PHIP: variants seen among roughly 807,000 people sequenced by gnomAD.
The protein encoded by PHIP is PH-interacting protein.
Under a neutral mutation model 236.8 loss-of-function variants are expected in PHIP, and 54 were observed. The ratio of observed to expected loss-of-function variants is 0.23; its 90% CI spans 0.18 to 0.29. PHIP has a LOEUF of 0.29. PHIP is among the 10% of genes least tolerant of loss of function. PHIP has a pLI of 1.00. For missense variants in PHIP, 1,370 were observed against 2,190.8 expected (o/e 0.63, Z 7.48); for synonymous variants, 756 against 718.9 (o/e 1.05, Z -0.83).
chr6:79,053,813 AG>A (rs1249482404), intron 6 of PHIP, among the ~76,000 whole-genome samples: 7 of 152,230 alleles, frequency 4.6e-5, no homozygotes, highest in African/African-American at 1.7e-4. Context: ...GAAAATGGCT[AG>A]TGATTCCTAA....
At chr6:79,049,447 A>T (rs1772678606) in intron 6 of PHIP, among the ~76,000 whole-genome samples, 1 of 152,218 alleles carries the variant, frequency 6.6e-6, no homozygotes, top group Non-Finnish European at 1.5e-5. Context: ...ATGCAAAAGT[A>T]ATTATAATTT....
At chr6:78,945,538 A>G in intron 38 of PHIP, 41 bp from the exon 39 acceptor site, 1 of 1,233,202 alleles carries the variant, frequency 8.1e-7, no homozygotes, top group Non-Finnish European at 1.2e-6. Flanking sequence ...AGAGTTATTG[A>G]ACCTAAAGAT....
chr6:78,946,272 A>T lies in PHIP; in HGVS notation c.4371-12T>A. On this transcript the variant is annotated splice_polypyrimidine_tract_variant and intron_variant, in intron 37 of 39. Coordinates refer to ENST00000275034, the MANE Select transcript of PHIP (RefSeq NM_017934.7). ...TTTTCCTTTCAGGGCTGTAAATAAA[A>T]TAGTATTGTCAGTCACTCTTATAGC... The T allele has an allele frequency of 6.2e-7, 1 of 1,608,510 alleles. No individual in the cohort carries two copies. Among genetic ancestry groups the T allele is most frequent in the Middle Eastern group, 1.7e-4 (1 of 6,012 alleles).
chr6:78,992,003 C>G (rs1769280463), intron 19 of PHIP, among the ~76,000 whole-genome samples: 1 of 150,184 alleles, frequency 6.7e-6, no homozygotes, highest in Non-Finnish European at 1.5e-5. Flanking sequence ...TCGCTGTCGC[C>G]CAGGCTGGAG....
intron 4 of PHIP, among the ~76,000 whole-genome samples, chr6:79,074,025 G>C (rs887187919): frequency 6.6e-6 from 1 of 151,956 alleles, no homozygotes; most frequent in East Asian, 1.9e-4. Context: ...GAGATAACTG[G>C]GACAAAGAGA....
At chr6:79,002,992 A>G (rs775164326) in intron 16 of PHIP, among the ~76,000 whole-genome samples, 5 of 152,110 alleles carry the variant, frequency 3.3e-5, no homozygotes, top group Non-Finnish European at 5.9e-5. Flanking sequence ...GTTAATTTGC[A>G]ATTTTTTAAA....
chr6:79,074,201 A>G (rs1774031871), intron 4 of PHIP, among the ~76,000 whole-genome samples: 1 of 152,132 alleles, frequency 6.6e-6, no homozygotes, highest in Non-Finnish European at 1.5e-5. Flanking sequence ...AAGTATCACT[A>G]TTTTACAAGG....
At chr6:79,011,879 G>A (rs992708066) in intron 15 of PHIP, among the ~76,000 whole-genome samples, 2 of 151,462 alleles carry the variant, frequency 1.3e-5, no homozygotes, top group Non-Finnish European at 3.0e-5. Context: ...AAAAGTATAA[G>A]TCATGGCTTG....
chr6:79,023,747 C>T (rs1410570627), intron 9 of PHIP, among the ~76,000 whole-genome samples: 1 of 152,032 alleles, frequency 6.6e-6, no homozygotes, highest in South Asian at 2.1e-4. Flanking sequence ...TATGGACAAG[C>T]TTACTTCTCA....
At position 79,046,092 on chromosome 6, in the gene PHIP, G is replaced by A. The variant is rs138248186; in HGVS notation, c.440-3089C>T. Among the ~76,000 whole-genome samples, 9 of 152,200 alleles carry A rather than the reference G, an allele frequency of 5.9e-5. No homozygotes were observed. The East Asian group carries it at 1.3e-3, about 23-fold the overall frequency. Reference sequence around the variant, plus strand: ...TGATACATCAGCCTAAGACGGCCCTGCAGAAACTTATCTCCCATTATCTCT... The same window carrying A: ...TGATACATCAGCCTAAGACGGCCCTACAGAAACTTATCTCCCATTATCTCT... On this transcript the variant is annotated intron_variant, in intron 6 of 39. Coordinates refer to ENST00000275034, the MANE Select transcript of PHIP (RefSeq NM_017934.7).
chr6:78,950,175 T>C (rs1343674424), intron 35 of PHIP, among the ~76,000 whole-genome samples: 1 of 152,258 alleles, frequency 6.6e-6, no homozygotes, highest in East Asian at 1.9e-4. Flanking sequence ...ATTAATATGA[T>C]GGATTACACT....
intron 6 of PHIP, among the ~76,000 whole-genome samples, chr6:79,051,275 A>C (rs1042128631): frequency 2.6e-5 from 4 of 152,172 alleles, no homozygotes; most frequent in Non-Finnish European, 5.9e-5. Flanking sequence ...GGACAAATAA[A>C]TCACCGTAAT....
rs201589638 is a variant in PHIP, at chr6:78,963,145, C to T, written c.3487G>A (p.Glu1163Lys). 1.1e-5 allele frequency: 18 copies of T among 1,609,460 alleles called. No homozygotes were observed. In the East Asian group the frequency reaches 3.6e-4, roughly 32 times the overall value. ...CCTGCCACAATTCTTTCACATTCTT[C>T]ATCCCTGGGATTGGTACCCCATTCT... is the stretch of plus-strand genomic sequence containing the variant. ...DGEWGTNPRD[E>K]ECERIVAGIN... is the part of the protein sequence containing the mutation. The change falls in exon 30 of 40, where the codon GAA (glutamate) becomes AAA (lysine). Residue 1163 changes from glutamate to lysine, a missense_variant. Around this residue, in one of 14 missense-constraint regions of PHIP, gnomAD observed 238 missense variants for 398.5 expected, o/e 0.60. Coordinates refer to ENST00000275034, the MANE Select transcript of PHIP (RefSeq NM_017934.7).
In PHIP at chr6:79,077,736, C is replaced by T; in HGVS notation, c.100-7G>A. ...CCACCTCGCGGATCAGCACCTGCAA[C>T]AACAAAGCGGGGAGAGCTGAGCCCC... On this transcript the variant is annotated splice_polypyrimidine_tract_variant and splice_region_variant and intron_variant, in intron 2 of 39. Coordinates refer to ENST00000275034, the MANE Select transcript of PHIP (RefSeq NM_017934.7). 9.9e-7 allele frequency: 1 copy of T among 1,012,100 alleles called. No homozygotes were observed. The highest frequency in any genetic ancestry group is 1.2e-6 in the Non-Finnish European group (1 of 849,776). The allele number at this position is 1,012,100 out of a possible 1,614,324, so 62.7% of individuals were successfully genotyped here.
intron 4 of PHIP, among the ~76,000 whole-genome samples, chr6:79,075,085 T>C (rs1038852544): frequency 3.3e-5 from 5 of 152,118 alleles, no homozygotes; most frequent in African/African-American, 1.2e-4. Flanking sequence ...CGTAAAACTT[T>C]TTAAGTCAGA....
At chr6:78,999,828 T>A (rs1239659212) in intron 17 of PHIP, among the ~76,000 whole-genome samples, 2 of 152,032 alleles carry the variant, frequency 1.3e-5, no homozygotes, top group Non-Finnish European at 2.9e-5. Context: ...TTCAATAGGA[T>A]AAAATAACTT....
In PHIP at chr6:78,971,844, G is replaced by A. The variant is rs375014630; in HGVS notation, c.2890-956C>T. Among the ~76,000 whole-genome samples the A allele has an allele frequency of 3.5e-4, 53 of 152,330 alleles. No homozygotes were observed. The East Asian group carries it at 4.1e-3, about 12-fold the overall frequency. ...ATGGGCTTAAAAAACGGCGCACCAC[G>A]AAATTATATCCCGCACCTGGCTCGG... On this transcript the variant is annotated intron_variant, in intron 24 of 39. Transcript: ENST00000275034.
chr6:78,956,115 A>G (rs1327268467), intron 32 of PHIP: 1 of 152,386 alleles, frequency 6.6e-6, no homozygotes, highest in African/African-American at 2.4e-5. Context: ...AAATTCCTGC[A>G]ATTTGTCCTA....
rs141042048 is a variant in PHIP at position 78,943,889 on chromosome 6, G to A, written c.4828+1411C>T. On this transcript the variant is annotated intron_variant, in intron 39 of 39. Transcript: ENST00000275034. ...TAATTCCAGCTACTTGGGAGGCTGA[G>A]GCAGAAGAATTGCTTGAACCGGCAA... Among the ~76,000 whole-genome samples, 957 of 151,268 alleles carry A rather than the reference G, an allele frequency of 6.3e-3. 19 individuals carry two copies. The highest frequency in any genetic ancestry group is 0.022 in the African/African-American group (903 of 41,140).
Sources: gnomAD v4.1 joint callset for allele counts (sites outside exome capture counted in the v4.1 genomes callset) on GRCh38, gnomAD v4.1.1 for gene constraint, gnomAD v4.1.1 regional missense constraint, MANE v1.5 for transcripts, NCBI Gene and HGNC (gene_info 2026-07-23, HGNC 2026-07-21) for gene names.